The following NF1 variants were observed in gnomAD, a reference collection of about 807,000 sequenced individuals.
NF1 encodes neurofibromin 1, also known as neurofibromin.
Under a neutral mutation model 325.7 loss-of-function variants are expected in NF1, and 122 were observed. The ratio of observed to expected loss-of-function variants is 0.37; its 90% confidence interval spans 0.32 to 0.44. The LOEUF (loss-of-function observed/expected upper bound fraction) is 0.44, where lower values mean the gene tolerates loss of function less well. NF1 is among the 20% of genes least tolerant of loss of function. NF1 has a pLI of 1.00. For missense variants in NF1, 2,140 were observed against 3,415.4 expected (o/e 0.63, Z 9.31); for synonymous variants, 1,091 against 1,186.0 (o/e 0.92, Z 1.65).
At chr17:31,143,967 G>A (rs527756037) in intron 1 of NF1, among the ~76,000 whole-genome samples, 48 of 151,880 alleles carry the variant, frequency 3.2e-4, no homozygotes, top group Middle Eastern at 3.4e-3. Context: ...GACTACAGGC[G>A]CCTGCCACGA....
intron 47 of NF1, among the ~76,000 whole-genome samples, chr17:31,341,994 G>A (rs539345683): frequency 3.7e-4 from 56 of 152,294 alleles, no homozygotes; most frequent in Admixed American, 3.7e-3. Flanking sequence ...ATGGTTTTAA[G>A]TGTAAAAAGA....
chr17:31,227,554 A>G lies in NF1; in HGVS notation c.2357A>G (p.Gln786Arg). 6.2e-7 allele frequency: 1 copy of G among 1,613,924 alleles called. No individual in the cohort carries two copies. Among genetic ancestry groups the G allele is most frequent in the Non-Finnish European group, 8.5e-7 (1 of 1,179,836 alleles). Residue 786 changes from glutamine (Q) to arginine (R), a missense_variant, in exon 20 of 58, where the codon CAA (glutamine) becomes CGA (arginine). By Grantham distance (43) the Gln-to-Arg change is conservative (BLOSUM62 1). Transcript: ENST00000358273. ...GAAGATACACATGCAAAATGGGAACAAGCAACAAAGCTAATCCTTAACTAT... is the reference window on the plus strand; with the variant it reads ...GAAGATACACATGCAAAATGGGAACGAGCAACAAAGCTAATCCTTAACTAT... The part of the protein sequence containing the change: ...AWEDTHAKWE[Q>R]ATKLILNYPK...
chr17:31,342,228 T>C (rs1052409359), intron 47 of NF1, among the ~76,000 whole-genome samples: 23 of 152,194 alleles, frequency 1.5e-4, no homozygotes, highest in African/African-American at 5.5e-4. Context: ...CTAATTCTCA[T>C]TGCCGTTTTT....
intron 33 of NF1, among the ~76,000 whole-genome samples, chr17:31,260,113 A>G (rs1019798845): frequency 1.3e-5 from 2 of 152,116 alleles, no homozygotes; most frequent in African/African-American, 4.8e-5. Context: ...GCCTCTTTCC[A>G]AAGTTTCATC....
rs2151427040 is a variant in NF1 at position 31,227,299 on chromosome 17, C to G, written c.2325+8C>G. On this transcript the variant is annotated splice_region_variant and intron_variant, in intron 19 of 57. Coordinates refer to ENST00000358273, the MANE Select transcript of NF1 (RefSeq NM_001042492.3). ...ACTGCAGGAAACACTGAGGTATGCC[C>G]TTAGCAACAGAAACACCCCTCCCAG... The G allele has an allele frequency of 6.2e-7, 1 of 1,613,596 alleles. No individual in the cohort carries two copies. Among genetic ancestry groups the G allele is most frequent in the African/African-American group, 1.3e-5 (1 of 75,022 alleles).
At chr17:31,317,368 A>AACACAC (rs3138611) in intron 36 of NF1, among the ~76,000 whole-genome samples, 3,655 of 144,594 alleles carry the variant, frequency 0.025, 65 homozygotes, top group Middle Eastern at 0.039. Flanking sequence ...TCCAGATTTG[A>AACACAC]ACACACACAC....
chr17:31,206,399 C>T (rs776435728), intron 12 of NF1, 28 bp downstream of exon 12: 2 of 1,611,188 alleles, frequency 1.2e-6, no homozygotes, highest in East Asian at 2.2e-5. Flanking sequence ...TTTTGAATCT[C>T]ACCTCCTTTC....
chr17:31,221,818 C>T (rs2066926140), intron 14 of NF1, 32 bp from the exon 15 acceptor site: 1 of 1,501,196 alleles, frequency 6.7e-7, no homozygotes, highest in African/African-American at 1.4e-5. Flanking sequence ...AGTGAGTCTT[C>T]TCTTTGTCTT....
chr17:31,348,745 G>A (rs1171617672), intron 48 of NF1, among the ~76,000 whole-genome samples: 2 of 149,854 alleles, frequency 1.3e-5, no homozygotes, highest in Non-Finnish European at 3.0e-5. Context: ...AAATGTTTTT[G>A]TAAAAGAACC....
chr17:31,135,818 C>G (rs1052272013), intron 1 of NF1, among the ~76,000 whole-genome samples: 3 of 151,940 alleles, frequency 2.0e-5, no homozygotes, highest in Non-Finnish European at 2.9e-5. Context: ...CTCAAGCGAT[C>G]CACCTGCCTC....
At chr17:31,271,557 G>C in intron 36 of NF1, among the ~76,000 whole-genome samples, 1 of 152,074 alleles carries the variant, frequency 6.6e-6, no homozygotes, top group East Asian at 1.9e-4. Flanking sequence ...TTTGAGACCA[G>C]CGTGGCCAAC....
rs538914079 is a variant in NF1 at position 31,155,541 on chromosome 17, T to C, written c.61-442T>C. 1.2e-3 allele frequency among the ~76,000 whole-genome samples: 176 copies of C among 152,340 alleles called. 1 individual carries two copies. Among genetic ancestry groups the C allele is most frequent in the African/African-American group, 4.0e-3 (165 of 41,578 alleles). On this transcript the variant is annotated intron_variant, in intron 1 of 57. Transcript: ENST00000358273. ...TAGATTTTCTTGATCTGTTTTTCTT[T>C]TAATGTTTGAGTTCAATGGATAAGG...
chr17:31,225,134 G>A lies in NF1; in HGVS notation c.1885G>A (p.Gly629Arg), dbSNP rs199474738. ...RSSCHFLLFY[G>R]VGCDIPSSGN... ...TTCCTGTCACTTTCTCCTTTTTTAC[G>A]GGGTAGGATGTGATATTCCTTCTAG... Residue 629 changes from glycine to arginine, a missense_variant, in exon 17 of 58, where the codon GGG becomes AGG. Gly to Arg is a moderately radical substitution (Grantham distance 125, BLOSUM62 -2). Coordinates refer to ENST00000358273, the MANE Select transcript of NF1 (RefSeq NM_001042492.3). 5 of 1,613,428 alleles carry A rather than the reference G, an allele frequency of 3.1e-6. No homozygotes were observed. Among genetic ancestry groups the A allele is most frequent in the Non-Finnish European group, 2.5e-6 (3 of 1,179,656 alleles).
intron 12 of NF1, among the ~76,000 whole-genome samples, chr17:31,212,833 GT>G (rs2066752640): frequency 1.3e-5 from 2 of 151,908 alleles, no homozygotes. Context: ...GTGAAGATTT[GT>G]TTACACCAGC....
At chr17:31,134,847 T>C (rs1205542939) in intron 1 of NF1, among the ~76,000 whole-genome samples, 1 of 152,194 alleles carries the variant, frequency 6.6e-6, no homozygotes, top group Non-Finnish European at 1.5e-5. Flanking sequence ...CATTCTTTCA[T>C]GATCCTTAGA....
intron 36 of NF1, among the ~76,000 whole-genome samples, chr17:31,309,642 T>G (rs1356121336): frequency 6.6e-6 from 1 of 152,232 alleles, no homozygotes; most frequent in Non-Finnish European, 1.5e-5. Context: ...TCCTCTTTTG[T>G]GACTTTGCTT....
chr17:31,338,106 G>A lies in NF1; in HGVS notation c.6786G>A (p.Gly2262=), dbSNP rs878853911. 2 of 1,613,606 alleles carry A rather than the reference G, an allele frequency of 1.2e-6. No individual in the cohort carries two copies. Among genetic ancestry groups the A allele is most frequent in the Admixed American group, 1.7e-5 (1 of 60,004 alleles). ...FGCISKRVSH[G]QIKQIIRILS... ...GTATTAGCAAACGAGTGTCTCATGG[G>A]CAGATAAAGCAGATAATCCGTATTC... The change falls in exon 45 of 58, where the codon GGG becomes GGA. Residue 2262 remains glycine, a synonymous_variant. Transcript: ENST00000358273.
At chr17:31,149,103 A>G (rs1235193358) in intron 1 of NF1, among the ~76,000 whole-genome samples, 1 of 148,156 alleles carries the variant, frequency 6.7e-6, no homozygotes, top group South Asian at 2.1e-4. Flanking sequence ...TATTTTCTCC[A>G]TCTTGTTTTT....
intron 29 of NF1, among the ~76,000 whole-genome samples, chr17:31,239,985 A>G (rs1597726783): frequency 6.6e-6 from 1 of 151,888 alleles, no homozygotes; most frequent in Non-Finnish European, 1.5e-5. Context: ...GCTAGTCTTG[A>G]CCTCCTGACT....
Sources: allele counts gnomAD v4.1 joint callset (sites outside exome capture counted in the v4.1 genomes callset), GRCh38; gene constraint gnomAD v4.1.1; transcripts MANE v1.5; gene names NCBI Gene and HGNC (gene_info 2026-07-23, HGNC 2026-07-21).